Variants in APIP observed in about 807,000 individuals in gnomAD.
APIP encodes methylthioribulose-1-phosphate dehydratase.
APIP carries 32 observed loss-of-function variants against 32.0 expected under a neutral mutation model. The ratio of observed to expected loss-of-function variants is 1.00; its 90% CI spans 0.76 to 1.34. APIP has a LOEUF of 1.34. Among genes scored for constraint, APIP ranks in the 40% most tolerant of loss-of-function variants. The pLI is 0.00. For synonymous variants in APIP, 92 were observed against 94.8 expected (o/e 0.97, Z 0.17); for missense variants, 247 against 298.6 (o/e 0.83, Z 1.27).
intron 1 of APIP, among the ~76,000 whole-genome samples, chr11:34,901,479 G>A (rs1181209721): frequency 3.9e-5 from 6 of 152,108 alleles, no homozygotes; most frequent in African/African-American, 1.2e-4. Context: ...ATCAAAGGAA[G>A]GAAGGAAGGT....
chr11:34,888,479 T>C (rs751613962), intron 4 of APIP, 51 bp from the exon 5 acceptor site: 65 of 1,576,698 alleles, frequency 4.1e-5, no homozygotes, highest in Non-Finnish European at 5.3e-5. Flanking sequence ...GAATTATAGC[T>C]TTTAAAGAAA....
intron 2 of APIP, among the ~76,000 whole-genome samples, chr11:34,894,488 C>A (rs113082065): frequency 0.26 from 31,019 of 119,308 alleles, 4,631 homozygotes; most frequent in Non-Finnish European, 0.37. Flanking sequence ...AAAAAAAAAA[C>A]CCCAGAAAAA....
chr11:34,914,694 A>G (rs1853627254), intron 1 of APIP, among the ~76,000 whole-genome samples: 1 of 152,132 alleles, frequency 6.6e-6, no homozygotes, highest in Admixed American at 6.6e-5. Flanking sequence ...AGAAGCTGAA[A>G]TGATTCTGGA....
At chr11:34,898,245 A>G (rs1434906702) in intron 1 of APIP, among the ~76,000 whole-genome samples, 1 of 152,132 alleles carries the variant, frequency 6.6e-6, no homozygotes, top group Non-Finnish European at 1.5e-5. Context: ...CAAATCAATC[A>G]ACAGGCATCC....
At chr11:34,914,680 T>C (rs1485665838) in intron 1 of APIP, among the ~76,000 whole-genome samples, 1 of 152,118 alleles carries the variant, frequency 6.6e-6, no homozygotes, top group African/African-American at 2.4e-5. Context: ...TCTGAGGTTT[T>C]AAAAGAAGCT....
intron 1 of APIP, among the ~76,000 whole-genome samples, chr11:34,914,883 A>G (rs1853634185): frequency 6.6e-6 from 1 of 151,866 alleles, no homozygotes. Context: ...ATGCGCCTGT[A>G]ATCCCAGCTA....
intron 1 of APIP, among the ~76,000 whole-genome samples, chr11:34,897,540 T>C (rs12272965): frequency 0.19 from 28,599 of 151,818 alleles, 3,854 homozygotes; most frequent in African/African-American, 0.39. Flanking sequence ...GGTTTTGTTT[T>C]CTTTTAATAA....
intron 2 of APIP, among the ~76,000 whole-genome samples, chr11:34,894,630 CAG>C (rs919246982): frequency 5.3e-5 from 8 of 152,082 alleles, no homozygotes; most frequent in Admixed American, 3.3e-4. Context: ...GCCTGGGTGA[CAG>C]AGCAAGACTC....
At chr11:34,890,196 T>C (rs1198085762) in intron 3 of APIP, among the ~76,000 whole-genome samples, 1 of 152,156 alleles carries the variant, frequency 6.6e-6, no homozygotes, top group Non-Finnish European at 1.5e-5. Flanking sequence ...AATCTGATTA[T>C]TCCACCAGCC....
chr11:34,904,797 A>G (rs1853419493), intron 1 of APIP, among the ~76,000 whole-genome samples: 1 of 152,228 alleles, frequency 6.6e-6, no homozygotes, highest in South Asian at 2.1e-4. Context: ...GATACATTAT[A>G]TTGGAGTCAA....
rs559832225 is a variant in APIP, at chr11:34,911,927, A to G, written c.57+4301T>C. On this transcript the variant is annotated intron_variant, in intron 1 of 6. Coordinates refer to ENST00000395787, the MANE Select transcript of APIP (RefSeq NM_015957.4). ...TTACTGGTATATATTAATTATAAAT[A>G]TGCATTTGCAACTGCCCAAGTTTCT... Among the ~76,000 whole-genome samples the G allele has an allele frequency of 3.9e-5, 6 of 152,316 alleles. No homozygotes were observed. The South Asian group carries it at 1.2e-3, about 32-fold the overall frequency.
chr11:34,909,776 G>A (rs1193018654), intron 1 of APIP, among the ~76,000 whole-genome samples: 4 of 152,164 alleles, frequency 2.6e-5, no homozygotes, highest in Non-Finnish European at 5.9e-5. Context: ...TAGGAGACAC[G>A]GGGAGAAGGA....
rs747689691 is a variant in APIP, at chr11:34,882,760, A to G, written c.686T>C (p.Leu229Pro). ...TCCAACTGGGAGCTGTGAAGGATCAAGTCCTACTTTCTTCATTGATACGGC... is the reference window on the plus strand; with the variant it reads ...TCCAACTGGGAGCTGTGAAGGATCAGGTCCTACTTTCTTCATTGATACGGC... ...DIAVSMKKVG[L>P]DPSQLPVGEN... is the part of the protein sequence containing the mutation. The change falls in exon 7 of 7, where the codon CTT becomes CCT. Residue 229 changes from leucine to proline, a missense_variant. Leu to Pro is a moderately conservative substitution (Grantham distance 98). Coordinates refer to ENST00000395787, the MANE Select transcript of APIP (RefSeq NM_015957.4). 7 of 1,610,394 alleles carry G rather than the reference A, an allele frequency of 4.3e-6. No individual in the cohort carries two copies. Among genetic ancestry groups the G allele is most frequent in the Non-Finnish European group, 5.9e-6 (7 of 1,177,652 alleles).
intron 2 of APIP, among the ~76,000 whole-genome samples, chr11:34,893,833 AT>A (rs1853219989): frequency 6.6e-6 from 1 of 152,172 alleles, no homozygotes; most frequent in Non-Finnish European, 1.5e-5. Flanking sequence ...CAATGTTCTG[AT>A]TATATTTTAC....
In APIP at chr11:34,883,472, T is replaced by C; in HGVS notation, c.494A>G (p.Glu165Gly). Reference sequence around the variant, plus strand: ...GAGGTCTTTCTCCTCAGGTGTATTCTCAATAATGGGTACCACTAACATATC... The same window carrying C: ...GAGGTCTTTCTCCTCAGGTGTATTCCCAATAATGGGTACCACTAACATATC... ...YDDMLVVPII[E>G]NTPEEKDLKD... Residue 165 changes from glutamate (E) to glycine (G), a missense_variant, in exon 6 of 7, where the codon GAG becomes GGG. Coordinates refer to ENST00000395787, the MANE Select transcript of APIP (RefSeq NM_015957.4). The C allele has an allele frequency of 3.1e-6, 5 of 1,613,842 alleles. No homozygotes were observed. Among genetic ancestry groups the C allele is most frequent in the Non-Finnish European group, 4.2e-6 (5 of 1,179,904 alleles).
chr11:34,886,237 A>G (rs1486636549), intron 5 of APIP, among the ~76,000 whole-genome samples: 1 of 152,064 alleles, frequency 6.6e-6, no homozygotes, highest in Non-Finnish European at 1.5e-5. Context: ...TGGAGGTGGA[A>G]GGCAGTGATA....
At chr11:34,888,665 A>G in intron 4 of APIP, 87 bp downstream of exon 4, 2 of 1,231,446 alleles carry the variant, frequency 1.6e-6, no homozygotes, top group Non-Finnish European at 2.3e-6. Flanking sequence ...TGGGTATCCA[A>G]GAAATGTTAA....
intron 5 of APIP, among the ~76,000 whole-genome samples, chr11:34,886,999 A>G (rs1853084269): frequency 6.6e-6 from 1 of 152,218 alleles, no homozygotes; most frequent in Admixed American, 6.6e-5. Flanking sequence ...AAAATACAGT[A>G]GAGAATTTTA....
chr11:34,899,852 C>T (rs3887071), intron 1 of APIP, among the ~76,000 whole-genome samples: 28,816 of 152,158 alleles, frequency 0.19, 3,902 homozygotes, highest in African/African-American at 0.39. Context: ...TCTTCTCCAC[C>T]CTGGGTCATA....
Sources: allele counts gnomAD v4.1 joint callset (sites outside exome capture counted in the v4.1 genomes callset), GRCh38; gene constraint gnomAD v4.1.1; transcripts MANE v1.5; gene names NCBI Gene and HGNC (gene_info 2026-07-23, HGNC 2026-07-21).